PRMT1: variants seen among roughly 807,000 people sequenced by gnomAD.
PRMT1 encodes protein arginine N-methyltransferase 1.
Under a neutral mutation model 47.4 loss-of-function variants are expected in PRMT1, and 5 were observed. The observed-to-expected ratio is 0.11, with a 90% CI of 0.06 to 0.22. The LOEUF (loss-of-function observed/expected upper bound fraction) is 0.22, where lower values mean the gene tolerates loss of function less well. PRMT1 is among the 10% of genes least tolerant of loss of function. The probability of loss-of-function intolerance (pLI) is 1.00; values close to 1 mark genes in which losing one functional copy is unlikely to be tolerated. For synonymous variants in PRMT1, 227 were observed against 204.6 expected (o/e 1.11, Z -0.94); for missense variants, 249 against 518.4 (o/e 0.48, Z 5.05).
At chr19:49,679,475 A>T in intron 1 of PRMT1, 1 of 495,216 alleles carries the variant, frequency 2.0e-6, no homozygotes, top group South Asian at 1.5e-5. Flanking sequence ...TATTCATGGC[A>T]CCCTAGGATA....
At position 49,681,860 on chromosome 19, in the gene PRMT1, G is replaced by A. The variant is rs759914608; in HGVS notation, c.193-50G>A. The A allele has an allele frequency of 6.3e-7, 1 of 1,577,716 alleles. No homozygotes were observed. Among genetic ancestry groups the A allele is most frequent in the South Asian group, 1.2e-5 (1 of 86,458 alleles). On this transcript the variant is annotated intron_variant, in intron 3 of 10. Transcript: ENST00000454376. The surrounding 1 kb of genome is among the most constrained non-coding windows in gnomAD (Gnocchi z 4.4). ...AGCTCTCAGGACACGCTGTTCTCCA[G>A]CTGGGGATATGGGGCCCCTCACGGC...
Position 49,680,627 on chromosome 19 carries a change from G to T in PRMT1, c.192+39G>T. On this transcript the variant is annotated intron_variant, in intron 3 of 10. Transcript: ENST00000454376. This position sits in a 1 kb window ranked among gnomAD's most constrained non-coding sequence, Gnocchi z 4.2. ...GTCCCCAAGGCCCCAATCTTAGGGG[G>T]GCTTAAATGTTGGGGAAGGGGTGGA... The T allele has an allele frequency of 1.3e-6, 2 of 1,498,062 alleles. No homozygotes were observed. Among genetic ancestry groups the T allele is most frequent in the Non-Finnish European group, 9.3e-7 (1 of 1,075,336 alleles). The allele number at this position is 1,498,062 out of a possible 1,614,324, so 92.8% of individuals were successfully genotyped here. A position where few individuals can be genotyped will look rare whatever the true frequency, so the allele number is the denominator to read the frequency against.
In PRMT1 at chr19:49,685,236, C is replaced by T. The variant is rs761722454; in HGVS notation, c.759+199C>T. On this transcript the variant is annotated intron_variant, in intron 8 of 10. Transcript: ENST00000454376. The surrounding 1 kb of genome is among the most constrained non-coding windows in gnomAD (Gnocchi z 4.7). ...CTTTGTGAGCGCTGCTGTGTGAGAA[C>T]CATGCTTGGCACTTGGCTTCTGGCG... 8.7e-6 allele frequency: 13 copies of T among 1,499,378 alleles called. No individual in the cohort carries two copies. The South Asian group carries it at 1.6e-4, about 19-fold the overall frequency. 92.9% of individuals were successfully genotyped at this position (1,499,378 alleles called of 1,614,324 possible).
At chr19:49,686,302 C>G in intron 9 of PRMT1, 59 bp downstream of exon 9, 1 of 1,521,052 alleles carries the variant, frequency 6.6e-7, no homozygotes, top group African/African-American at 1.4e-5. Flanking sequence ...GGCGCACCCA[C>G]GTAGTGGAGG....
Position 49,680,721 on chromosome 19 carries a change from A to AAC in PRMT1, c.192+133_192+134insAC. ...CCGCCCCCCTGCCCCTCTGCTGCGC[A>AAC]CTTCCTAGGGTCGCCTCGCCAAGCC... On this transcript the variant is annotated intron_variant, in intron 3 of 10. Coordinates refer to ENST00000454376, the MANE Select transcript of PRMT1 (RefSeq NM_001536.6). The surrounding 1 kb of genome is among the most constrained non-coding windows in gnomAD (Gnocchi z 4.2). The AAC allele has an allele frequency of 1.4e-6, 1 of 723,630 alleles. No individual in the cohort carries two copies. The highest frequency in any genetic ancestry group is 2.7e-5 in the East Asian group (1 of 36,762). 44.8% of individuals were successfully genotyped at this position (723,630 alleles called of 1,614,324 possible). A position where few individuals can be genotyped will look rare whatever the true frequency, so the allele number is the denominator to read the frequency against.
Position 49,680,268 on chromosome 19 carries a change from C to T in PRMT1, c.91-219C>T. 1.3e-6 allele frequency: 2 copies of T among 1,527,522 alleles called. No individual in the cohort carries two copies. Among genetic ancestry groups the T allele is most frequent in the African/African-American group, 1.4e-5 (1 of 73,036 alleles). 94.6% of individuals were successfully genotyped at this position (1,527,522 alleles called of 1,614,324 possible). A position where few individuals can be genotyped will look rare whatever the true frequency, so the allele number is the denominator to read the frequency against. ...GCGTGGCTGAGGTATCGGGGTGCTC[C>T]CCTGGATGGTGCTCTGGGGGGGTCC... On this transcript the variant is annotated intron_variant, in intron 2 of 10. Coordinates refer to ENST00000454376, the MANE Select transcript of PRMT1 (RefSeq NM_001536.6). The surrounding 1 kb of genome is among the most constrained non-coding windows in gnomAD (Gnocchi z 4.2).
chr19:49,685,772 G>A lies in PRMT1; in HGVS notation c.760-321G>A, dbSNP rs1034718173. On this transcript the variant is annotated intron_variant, in intron 8 of 10. Transcript: ENST00000454376. This position sits in a 1 kb window ranked among gnomAD's most constrained non-coding sequence, Gnocchi z 4.7. Reference sequence around the variant, plus strand: ...TGTTGCCGTTTGAAGCCATCATGTTGTTGGACTTGTCAAGGGGTTGGGGAG... The same window carrying A: ...TGTTGCCGTTTGAAGCCATCATGTTATTGGACTTGTCAAGGGGTTGGGGAG... The A allele has an allele frequency of 2.7e-5, 31 of 1,150,610 alleles. No homozygotes were observed. Among genetic ancestry groups the A allele is most frequent in the African/African-American group, 2.1e-4 (13 of 62,540 alleles). The allele number at this position is 1,150,610 out of a possible 1,614,324, so 71.3% of individuals were successfully genotyped here.
At chr19:49,676,437 G>A (rs780322385), upstream of PRMT1, 2 of 152,274 alleles carry the variant, frequency 1.3e-5, no homozygotes, top group Non-Finnish European at 2.9e-5. Flanking sequence ...CAGACAAAGA[G>A]AGGTGGGCGT....
At chr19:49,677,482 G>C in intron 1 of PRMT1, 166 bp downstream of exon 1, 1 of 501,958 alleles carries the variant, frequency 2.0e-6, no homozygotes, top group Non-Finnish European at 3.2e-6. Context: ...TGAGGTGACG[G>C]CTCCCTAGCT....
rs149767260 is a variant in PRMT1 at position 49,686,675 on chromosome 19, G to A, written c.981G>A (p.Thr327=). ...TGGAGGACTACCTGACCGTGAAGACGGGCGAGGAGATCTTCGGCACCATCG... is the reference window on the plus strand; with the variant it reads ...TGGAGGACTACCTGACCGTGAAGACAGGCGAGGAGATCTTCGGCACCATCG... ...FYMEDYLTVK[T]GEEIFGTIGM... is the part of the protein sequence containing the mutation. The change falls in exon 10 of 11, where the codon ACG becomes ACA. Residue 327 remains threonine (T), a synonymous_variant. Transcript: ENST00000454376. 6.2e-5 allele frequency: 100 copies of A among 1,612,630 alleles called. No individual in the cohort carries two copies. In the Middle Eastern group the frequency reaches 7.1e-4, roughly 11 times the overall value.
rs1248899439 is a variant in PRMT1, at chr19:49,685,211, C to T, written c.759+174C>T. On this transcript the variant is annotated intron_variant, in intron 8 of 10. Coordinates refer to ENST00000454376, the MANE Select transcript of PRMT1 (RefSeq NM_001536.6). This position sits in a 1 kb window ranked among gnomAD's most constrained non-coding sequence, Gnocchi z 4.7. Reference sequence around the variant, plus strand: ...GAAAGACACTTCGTCCTTTAAATATCTTTGTGAGCGCTGCTGTGTGAGAAC... The same window carrying T: ...GAAAGACACTTCGTCCTTTAAATATTTTTGTGAGCGCTGCTGTGTGAGAAC... 6.5e-7 allele frequency: 1 copy of T among 1,529,470 alleles called. No homozygotes were observed. The highest frequency in any genetic ancestry group is 8.8e-7 in the Non-Finnish European group (1 of 1,142,812). The allele number at this position is 1,529,470 out of a possible 1,614,324, so 94.7% of individuals were successfully genotyped here.
rs200996986 is a variant in PRMT1, at chr19:49,684,877, G to C, written c.643+36G>C. 5.6e-6 allele frequency: 9 copies of C among 1,610,342 alleles called. No individual in the cohort carries two copies. The highest frequency in any genetic ancestry group is 1.7e-4 in the Middle Eastern group (1 of 6,042). ...CCCGGGAGCTGGCGGGCGGGGCCTC[G>C]GGTGGGCTGCTGCGGGCTCACCCCC... On this transcript the variant is annotated intron_variant, in intron 7 of 10. Transcript: ENST00000454376. The surrounding 1 kb of genome is among the most constrained non-coding windows in gnomAD (Gnocchi z 6.2).
chr19:49,680,473 C>T lies in PRMT1; in HGVS notation c.91-14C>T, dbSNP rs777505477. The T allele has an allele frequency of 1.1e-5, 17 of 1,600,958 alleles. No homozygotes were observed. The highest frequency in any genetic ancestry group is 8.3e-5 in the Admixed American group (5 of 59,982). Reference sequence around the variant, plus strand: ...CCCCAGATCTGACCCATGATCCCATCGGCCCCCTCCCAGGTGTCCTGTGGC... The same window carrying T: ...CCCCAGATCTGACCCATGATCCCATTGGCCCCCTCCCAGGTGTCCTGTGGC... On this transcript the variant is annotated splice_polypyrimidine_tract_variant and intron_variant, in intron 2 of 10. Transcript: ENST00000454376. The surrounding 1 kb of genome is among the most constrained non-coding windows in gnomAD (Gnocchi z 4.2).
intron 5 of PRMT1, 148 bp from the exon 6 acceptor site, chr19:49,683,779 G>C: frequency 1.2e-6 from 1 of 850,084 alleles, no homozygotes; most frequent in East Asian, 2.8e-5. Flanking sequence ...AACGATGTAT[G>C]AATTTTAAAA....
rs1468927881 is a variant in PRMT1 at position 49,680,447 on chromosome 19, C to T, written c.91-40C>T. The T allele has an allele frequency of 1.3e-6, 2 of 1,496,770 alleles. No homozygotes were observed. Among genetic ancestry groups the T allele is most frequent in the Non-Finnish European group, 1.9e-6 (2 of 1,073,428 alleles). 92.7% of individuals were successfully genotyped at this position (1,496,770 alleles called of 1,614,324 possible). On this transcript the variant is annotated intron_variant, in intron 2 of 10. Coordinates refer to ENST00000454376, the MANE Select transcript of PRMT1 (RefSeq NM_001536.6). This position sits in a 1 kb window ranked among gnomAD's most constrained non-coding sequence, Gnocchi z 4.2. ...TGGAGGTTTAAGAGGCTGTGGGGAG[C>T]CCCCAGATCTGACCCATGATCCCAT...
rs757941206 is a variant in PRMT1 at position 49,679,570 on chromosome 19, A to G, written c.37-302A>G. On this transcript the variant is annotated intron_variant, in intron 1 of 10. Coordinates refer to ENST00000454376, the MANE Select transcript of PRMT1 (RefSeq NM_001536.6). Reference sequence around the variant, plus strand: ...CGACAGCTGGCGGTGGTGGGTGCCAATTCCCCTGGCCTGGATGGGGGAGGT... The same window carrying G: ...CGACAGCTGGCGGTGGTGGGTGCCAGTTCCCCTGGCCTGGATGGGGGAGGT... 9.2e-5 allele frequency: 62 copies of G among 670,942 alleles called. 1 individual carries two copies. The East Asian group carries it at 1.5e-3, about 17-fold the overall frequency. The allele number at this position is 670,942 out of a possible 1,614,324, so 41.6% of individuals were successfully genotyped here. A position where few individuals can be genotyped will look rare whatever the true frequency, so the allele number is the denominator to read the frequency against.
Position 49,680,595 on chromosome 19 carries a change from G to A in PRMT1, c.192+7G>A, listed in dbSNP as rs777790213. On this transcript the variant is annotated splice_region_variant and intron_variant, in intron 3 of 10. Coordinates refer to ENST00000454376, the MANE Select transcript of PRMT1 (RefSeq NM_001536.6). The surrounding 1 kb of genome is among the most constrained non-coding windows in gnomAD (Gnocchi z 4.2). ...ACACTTTGGCATCCACGAGGTCAGT[G>A]GGGACAGTCCCCAAGGCCCCAATCT... The A allele has an allele frequency of 1.2e-6, 2 of 1,602,396 alleles. No individual in the cohort carries two copies. The highest frequency in any genetic ancestry group is 4.5e-5 in the East Asian group (2 of 44,826).
In PRMT1 at chr19:49,680,691, G is replaced by T; in HGVS notation, c.192+103G>T. On this transcript the variant is annotated intron_variant, in intron 3 of 10. Transcript: ENST00000454376. The surrounding 1 kb of genome is among the most constrained non-coding windows in gnomAD (Gnocchi z 4.2). ...CGCATGCGCACTGCTTCCCCTGGCC[G>T]CAGGCCGCCCCCCTGCCCCTCTGCT... is the stretch of plus-strand genomic sequence containing the variant. 1.1e-6 allele frequency: 1 copy of T among 947,244 alleles called. No homozygotes were observed. The highest frequency in any genetic ancestry group is 1.4e-5 in the South Asian group (1 of 69,852). 58.7% of individuals were successfully genotyped at this position (947,244 alleles called of 1,614,324 possible).
At position 49,682,014 on chromosome 19, in the gene PRMT1, C is replaced by G; in HGVS notation, c.297C>G (p.Thr99=). Residue 99 remains threonine (T), a synonymous_variant, in exon 4 of 11, where the codon ACC becomes ACG. Coordinates refer to ENST00000454376, the MANE Select transcript of PRMT1 (RefSeq NM_001536.6). ...DKVVLDVGSG[T]GILCMFAAKA... ...TGGTGCTGGACGTCGGCTCGGGCAC[C>G]GGCATCCTCTGCATGTTTGCTGCCA... The G allele has an allele frequency of 6.2e-7, 1 of 1,614,170 alleles. No homozygotes were observed. The highest frequency in any genetic ancestry group is 8.5e-7 in the Non-Finnish European group (1 of 1,180,028).
Sources: gnomAD v4.1 joint callset for allele counts on GRCh38, gnomAD v4.1.1 for gene constraint, Gnocchi (gnomAD v3.1) non-coding constraint, MANE v1.5 for transcripts, NCBI Gene and HGNC (gene_info 2026-07-23, HGNC 2026-07-21) for gene names.